The following FKRP variants were observed in gnomAD, a reference collection of about 807,000 sequenced individuals.
The protein encoded by FKRP is ribitol 5-phosphate transferase FKRP.
Under a neutral mutation model 30.6 loss-of-function variants are expected in FKRP, and 25 were observed. The observed-to-expected ratio is 0.82, with a 90% CI of 0.60 to 1.14. FKRP has a LOEUF of 1.14. FKRP is among the 50% of genes most tolerant of loss of function. FKRP has a pLI of 0.00. For synonymous variants in FKRP, 358 were observed against 342.5 expected, an observed-to-expected ratio of 1.05 and a Z score of -0.50; for missense variants, 771 against 727.8, an observed-to-expected ratio of 1.06 and a Z score of -0.68.
Position 46,755,922 on chromosome 19 carries a change from GC to G in FKRP, c.476del (p.Pro159ArgfsTer13). 6.5e-7 allele frequency: 1 copy of G among 1,528,360 alleles called. No individual in the cohort carries two copies. Among genetic ancestry groups the G allele is most frequent in the South Asian group, 1.2e-5 (1 of 83,250 alleles). 94.7% of individuals were successfully genotyped at this position (1,528,360 alleles called of 1,614,324 possible). ...LRAGSARLVA[A>X]PVATANPARC... ...CGCAGGAAGCGCACGTCTGGTGGCC[GC>G]CCCGGTTGCCACGGCCAACCCTGCC... On this transcript the variant is annotated frameshift_variant, in exon 4 of 4. Coordinates refer to ENST00000318584, the MANE Select transcript of FKRP (RefSeq NM_024301.5). LOFTEE classifies it high-confidence loss of function.
chr19:46,745,252 C>A (rs575715121), upstream of FKRP, among the ~76,000 whole-genome samples: 1 of 152,102 alleles, frequency 6.6e-6, no homozygotes, highest in Admixed American at 6.6e-5. Context: ...TCAGTGCCAT[C>A]GCGCCCACTC....
intron 3 of FKRP, among the ~76,000 whole-genome samples, chr19:46,752,297 T>G (rs1043313963): frequency 6.6e-6 from 1 of 152,142 alleles, no homozygotes; most frequent in South Asian, 2.1e-4. Flanking sequence ...TTCAAGGATA[T>G]GCAGACTAAC....
In FKRP at chr19:46,756,178, C is replaced by T. The variant is rs2054915394; in HGVS notation, c.728C>T (p.Ala243Val). Residue 243 changes from alanine to valine, a missense_variant, in exon 4 of 4, where the codon GCG (alanine) becomes GTG (valine). Transcript: ENST00000318584. The surrounding 1 kb of genome is among the most constrained non-coding windows in gnomAD (Gnocchi z 6.6). ...VQLLDLTFAA[A>V]RQPPLATAHA... ...CTGCTGGACTTGACCTTCGCCGCGG[C>T]GCGCCAGCCCCCGCTGGCCACGGCC... is the stretch of plus-strand genomic sequence containing the variant. 3 of 1,441,236 alleles carry T rather than the reference C, an allele frequency of 2.1e-6. No individual in the cohort carries two copies. The highest frequency in any genetic ancestry group is 2.7e-6 in the Non-Finnish European group (3 of 1,103,246). The allele number at this position is 1,441,236 out of a possible 1,614,324, so 89.3% of individuals were successfully genotyped here.
At chr19:46,747,091 C>T (rs2054659602) in intron 1 of FKRP, 3 of 152,494 alleles carry the variant, frequency 2.0e-5, no homozygotes, top group Admixed American at 1.3e-4. Flanking sequence ...GGACCCCAGC[C>T]CCAAGGACAC....
intron 1 of FKRP, chr19:46,746,596 C>T: frequency 4.4e-6 from 1 of 225,678 alleles, no homozygotes; most frequent in Non-Finnish European, 7.4e-6. Flanking sequence ...CGGGTCTACA[C>T]CGAAGGGTAG....
chr19:46,746,494 C>CA (rs2054629777), intron 1 of FKRP: 1 of 122,444 alleles, frequency 8.2e-6, no homozygotes, highest in Non-Finnish European at 9.6e-6. Context: ...CGCGCCAACA[C>CA]CCCCCCCCCT....
chr19:46,755,466 T>A lies in FKRP; in HGVS notation c.16T>A (p.Cys6Ser). 1 of 1,607,814 alleles carries A rather than the reference T, an allele frequency of 6.2e-7. No individual in the cohort carries two copies. The highest frequency in any genetic ancestry group is 1.3e-5 in the African/African-American group (1 of 74,994). MRLTR[C>S]QAALAAAITL... ...CTTCGGCCCCATGCGGCTCACCCGC[T>A]GCCAGGCTGCCCTGGCGGCCGCCAT... The change falls in exon 4 of 4, where the codon TGC becomes AGC. Residue 6 changes from cysteine (C) to serine (S), a missense_variant. Transcript: ENST00000318584.
chr19:46,756,187 C>T lies in FKRP; in HGVS notation c.737C>T (p.Pro246Leu). The T allele has an allele frequency of 7.0e-7, 1 of 1,437,556 alleles. No homozygotes were observed. Among genetic ancestry groups the T allele is most frequent in the South Asian group, 1.4e-5 (1 of 73,490 alleles). The allele number at this position is 1,437,556 out of a possible 1,614,324, so 89.1% of individuals were successfully genotyped here. ...TTGACCTTCGCCGCGGCGCGCCAGC[C>T]CCCGCTGGCCACGGCCCACGCGCGC... ...LDLTFAAARQ[P>L]PLATAHARWK... Residue 246 changes from proline (P) to leucine (L), a missense_variant, in exon 4 of 4, where the codon CCC becomes CTC. Pro to Leu is a moderately conservative substitution (Grantham distance 98). Coordinates refer to ENST00000318584, the MANE Select transcript of FKRP (RefSeq NM_024301.5). This position sits in a 1 kb window ranked among gnomAD's most constrained non-coding sequence, Gnocchi z 6.6.
At chr19:46,749,861 G>A (rs113064573) in intron 3 of FKRP, among the ~76,000 whole-genome samples, 1,835 of 152,122 alleles carry the variant, frequency 0.012, 29 homozygotes, top group African/African-American at 0.042. Flanking sequence ...GGGACTACAG[G>A]TGCACACCAC....
In FKRP at chr19:46,755,583, G is replaced by GCCGGCC; in HGVS notation, c.136_141dup (p.Gly46_Pro47dup). The stretch of plus-strand genomic sequence containing the variant: ...CCGGGGGCCCCGTCGTGCCTCTGCT[G>GCCGGCC]CCGGCCCCCGTGTCACCGTCCTGGT... On this transcript the variant is annotated inframe_insertion, in exon 4 of 4. Coordinates refer to ENST00000318584, the MANE Select transcript of FKRP (RefSeq NM_024301.5). 6.2e-7 allele frequency: 1 copy of GCCGGCC among 1,606,448 alleles called. No homozygotes were observed. The highest frequency in any genetic ancestry group is 1.7e-4 in the Middle Eastern group (1 of 6,056).
rs1482596066 is a variant in FKRP, at chr19:46,746,399, G to A, written c.-253+309G>A. Reference sequence around the variant, plus strand: ...CGGACGGCAGGAGGAGGCGGCGGCGGCGACCGCGGCGGCCGCTCGCTCCTC... The same window carrying A: ...CGGACGGCAGGAGGAGGCGGCGGCGACGACCGCGGCGGCCGCTCGCTCCTC... On this transcript the variant is annotated intron_variant, in intron 1 of 3. Transcript: ENST00000318584. The A allele has an allele frequency of 6.6e-6, 7 of 1,062,046 alleles. No homozygotes were observed. The highest frequency in any genetic ancestry group is 3.4e-5 in the African/African-American group (2 of 58,352). The allele number at this position is 1,062,046 out of a possible 1,614,324, so 65.8% of individuals were successfully genotyped here.
At position 46,746,108 on chromosome 19, in the gene FKRP, C is replaced by T; in HGVS notation, c.-253+18C>T. 6.9e-7 allele frequency: 1 copy of T among 1,441,552 alleles called. No homozygotes were observed. Among genetic ancestry groups the T allele is most frequent in the Non-Finnish European group, 9.1e-7 (1 of 1,099,438 alleles). 89.3% of individuals were successfully genotyped at this position (1,441,552 alleles called of 1,614,324 possible). On this transcript the variant is annotated intron_variant, in intron 1 of 3. Coordinates refer to ENST00000318584, the MANE Select transcript of FKRP (RefSeq NM_024301.5). ...GGCAGCGGGTGAGGCCGGGCCGGGCCGGGCCGGGTTGGGGGTCGGGGGTCC... is the reference window on the plus strand; with the variant it reads ...GGCAGCGGGTGAGGCCGGGCCGGGCTGGGCCGGGTTGGGGGTCGGGGGTCC...
chr19:46,752,164 C>CACA (rs2054807442), intron 3 of FKRP, among the ~76,000 whole-genome samples: 1 of 152,106 alleles, frequency 6.6e-6, no homozygotes, highest in South Asian at 2.1e-4. Flanking sequence ...AGGTGCCAGC[C>CACA]ACAGAAGGGC....
chr19:46,757,420 C>G lies in FKRP; in HGVS notation c.*482C>G. The G allele has an allele frequency of 5.2e-6, 1 of 192,450 alleles. No homozygotes were observed. The highest frequency in any genetic ancestry group is 1.1e-4 in the South Asian group (1 of 9,486). The allele number at this position is 192,450 out of a possible 1,614,324, so 11.9% of individuals were successfully genotyped here. A position where few individuals can be genotyped will look rare whatever the true frequency, so the allele number is the denominator to read the frequency against. ...GGCCTGGGGGGGCGTCGCAGTCTCT[C>G]TGTGCCTCAGTTGCTTCCAGGATGC... On this transcript the variant is annotated 3_prime_UTR_variant, in exon 4 of 4. Coordinates refer to ENST00000318584, the MANE Select transcript of FKRP (RefSeq NM_024301.5).
chr19:46,745,101 C>G (rs756050647), upstream of FKRP, among the ~76,000 whole-genome samples: 7 of 151,670 alleles, frequency 4.6e-5, no homozygotes, highest in African/African-American at 1.2e-4. Flanking sequence ...AATTCTCCCC[C>G]CTAAAGCATC....
intron 1 of FKRP, chr19:46,746,359 C>G (rs2122478614): frequency 9.4e-6 from 11 of 1,173,440 alleles, no homozygotes; most frequent in Non-Finnish European, 1.2e-5. Flanking sequence ...GGCCAGGGCC[C>G]GCGCCTGAGC....
chr19:46,756,547 G>A lies in FKRP; in HGVS notation c.1097G>A (p.Gly366Asp), dbSNP rs771388442. Residue 366 changes from glycine (G) to aspartate (D), a missense_variant, in exon 4 of 4, where the codon GGC (glycine) becomes GAC (aspartate). Transcript: ENST00000318584. This position sits in a 1 kb window ranked among gnomAD's most constrained non-coding sequence, Gnocchi z 6.6. The stretch of plus-strand genomic sequence containing the variant: ...CCATGGGACTACGACGTGGACCTGG[G>A]CATCTACTTGGAGGACGTGGGCAAC... Reference protein sequence around the residue: ...IIPWDYDVDLGIYLEDVGNCE... With the variant: ...IIPWDYDVDLDIYLEDVGNCE... 6 of 1,605,620 alleles carry A rather than the reference G, an allele frequency of 3.7e-6. No individual in the cohort carries two copies. Among genetic ancestry groups the A allele is most frequent in the Non-Finnish European group, 5.1e-6 (6 of 1,177,170 alleles).
At position 46,755,777 on chromosome 19, in the gene FKRP, C is replaced by A; in HGVS notation, c.327C>A (p.Asp109Glu). The A allele has an allele frequency of 6.5e-7, 1 of 1,529,714 alleles. No homozygotes were observed. Among genetic ancestry groups the A allele is most frequent in the Non-Finnish European group, 8.8e-7 (1 of 1,142,248 alleles). The allele number at this position is 1,529,714 out of a possible 1,614,324, so 94.8% of individuals were successfully genotyped here. The change falls in exon 4 of 4, where the codon GAC (aspartate) becomes GAA (glutamate). Residue 109 changes from aspartate to glutamate, a missense_variant. Transcript: ENST00000318584. The part of the protein sequence containing the change: ...VRLALLQPAL[D>E]RPAAASRPET... ...TGGCGCTGCTCCAGCCCGCCCTGGA[C>A]CGGCCAGCCGCAGCCTCGCGCCCGG...
At chr19:46,751,230 T>C (rs2054785459) in intron 3 of FKRP, among the ~76,000 whole-genome samples, 2 of 151,262 alleles carry the variant, frequency 1.3e-5, no homozygotes, top group South Asian at 2.1e-4. Context: ...ATCCAGTTAG[T>C]TTTGTTTATT....
Sources: gnomAD v4.1 joint callset for allele counts (sites outside exome capture counted in the v4.1 genomes callset) on GRCh38, gnomAD v4.1.1 for gene constraint, Gnocchi (gnomAD v3.1) non-coding constraint, MANE v1.5 for transcripts, NCBI Gene and HGNC (gene_info 2026-07-23, HGNC 2026-07-21) for gene names.